Variants in PUM2 observed in about 807,000 individuals in gnomAD.
PUM2 encodes pumilio homolog 2.
In PUM2, 57 loss-of-function variants were observed where a neutral mutation model predicts 124.5. The ratio of observed to expected loss-of-function variants is 0.46; its 90% confidence interval spans 0.37 to 0.57. The LOEUF (loss-of-function observed/expected upper bound fraction) is 0.57, where lower values mean the gene tolerates loss of function less well. Among genes scored for constraint, PUM2 ranks in the 20% least tolerant of loss-of-function variants. The pLI, the probability that PUM2 is intolerant of heterozygous loss-of-function variation, is 0.00. For missense variants in PUM2, 1,065 were observed against 1,290.6 expected, an observed-to-expected ratio of 0.83 and a Z score of 2.68; for synonymous variants, 460 against 446.1, an observed-to-expected ratio of 1.03 and a Z score of -0.39.
At chr2:20,326,253 T>G (rs1558652012) in intron 2 of PUM2, 6 of 1,302,746 alleles carry the variant, frequency 4.6e-6, no homozygotes, top group Non-Finnish European at 6.1e-6. Flanking sequence ...TTAAGCACCT[T>G]AACTCACCCT....
At chr2:20,282,669 C>A (rs1671807076) in intron 12 of PUM2, among the ~76,000 whole-genome samples, 1 of 151,980 alleles carries the variant, frequency 6.6e-6, no homozygotes, top group Non-Finnish European at 1.5e-5. Flanking sequence ...CCCAAATAAA[C>A]CCTACTAAAA....
chr2:20,313,051 A>G (rs1345679531), intron 3 of PUM2, among the ~76,000 whole-genome samples: 1 of 152,232 alleles, frequency 6.6e-6, no homozygotes, highest in East Asian at 1.9e-4. Flanking sequence ...TATACCTTAT[A>G]CAAAAATTAA....
intron 20 of PUM2, 112 bp from the exon 21 acceptor site, chr2:20,251,828 T>A (rs1663427181): frequency 7.6e-7 from 1 of 1,308,118 alleles, no homozygotes; most frequent in Non-Finnish European, 1.0e-6. Context: ...TTAAAAAAAA[T>A]TTAAATCCAA....
rs1482832532 is a variant in PUM2, at chr2:20,318,795, T to C, written c.52-150A>G. On this transcript the variant is annotated intron_variant, in intron 2 of 20. Transcript: ENST00000361078. ...CCTATTTTCTAAGCTGTTTTGTTAATAGTAAATTAACTCCCCATTTATTTT... is the reference window on the plus strand; with the variant it reads ...CCTATTTTCTAAGCTGTTTTGTTAACAGTAAATTAACTCCCCATTTATTTT... 7.6e-6 allele frequency: 4 copies of C among 526,788 alleles called. No homozygotes were observed. The South Asian group carries it at 1.1e-4, about 15-fold the overall frequency. 32.6% of individuals were successfully genotyped at this position (526,788 alleles called of 1,614,324 possible). A position where few individuals can be genotyped will look rare whatever the true frequency, so the allele number is the denominator to read the frequency against.
chr2:20,256,420 G>C (rs1664773055), intron 16 of PUM2, among the ~76,000 whole-genome samples: 5 of 152,114 alleles, frequency 3.3e-5, no homozygotes, highest in Admixed American at 3.3e-4. Context: ...ACACACTGCA[G>C]GATTATAATG....
intron 1 of PUM2, among the ~76,000 whole-genome samples, chr2:20,344,922 G>A: frequency 7.0e-6 from 1 of 142,348 alleles, no homozygotes; most frequent in Non-Finnish European, 1.5e-5. Flanking sequence ...GGCGGAGCTT[G>A]CAGTGAGTTG....
rs138406280 is a variant in PUM2 at position 20,300,602 on chromosome 2, G to A, written c.884-2924C>T. Among the ~76,000 whole-genome samples, 566 of 152,152 alleles carry A rather than the reference G, an allele frequency of 3.7e-3. 6 individuals carry two copies. The highest frequency in any genetic ancestry group is 0.013 in the African/African-American group (547 of 41,490). Reference sequence around the variant, plus strand: ...AAATCCTTTCATTTTAAAGCCATTCGTTGAGTCCTGTTTTTAGCTATGCCC... The same window carrying A: ...AAATCCTTTCATTTTAAAGCCATTCATTGAGTCCTGTTTTTAGCTATGCCC... On this transcript the variant is annotated intron_variant, in intron 7 of 20. Coordinates refer to ENST00000361078, the MANE Select transcript of PUM2 (RefSeq NM_015317.5).
rs1450493356 is a variant in PUM2 at position 20,250,918 on chromosome 2, C to T, written c.*667G>A. On this transcript the variant is annotated 3_prime_UTR_variant, in exon 21 of 21. Coordinates refer to ENST00000361078, the MANE Select transcript of PUM2 (RefSeq NM_015317.5). Reference sequence around the variant, plus strand: ...TATATACAATATTTCTGTACATTGCCAGAGACATTTTAGGGCAGTAATTGT... The same window carrying T: ...TATATACAATATTTCTGTACATTGCTAGAGACATTTTAGGGCAGTAATTGT... 6.6e-6 allele frequency: 1 copy of T among 152,526 alleles called. No individual in the cohort carries two copies. The highest frequency in any genetic ancestry group is 1.5e-5 in the Non-Finnish European group (1 of 67,994). The allele number at this position is 152,526 out of a possible 1,614,324, so 9.4% of individuals were successfully genotyped here. A position where few individuals can be genotyped will look rare whatever the true frequency, so the allele number is the denominator to read the frequency against.
At chr2:20,285,471 C>T (rs1281646750) in intron 10 of PUM2, among the ~76,000 whole-genome samples, 2 of 152,180 alleles carry the variant, frequency 1.3e-5, no homozygotes, top group African/African-American at 4.8e-5. Flanking sequence ...CTAGTTTTAC[C>T]TGGTACTCAT....
At chr2:20,306,822 G>T (rs1199950232) in intron 7 of PUM2, among the ~76,000 whole-genome samples, 1 of 151,674 alleles carries the variant, frequency 6.6e-6, no homozygotes, top group African/African-American at 2.4e-5. Flanking sequence ...GGCCAGGATG[G>T]TCTCAAACTC....
intron 10 of PUM2, among the ~76,000 whole-genome samples, chr2:20,289,925 T>C (rs1673612888): frequency 6.6e-6 from 1 of 152,224 alleles, no homozygotes; most frequent in South Asian, 2.1e-4. Context: ...AAAAGCATAC[T>C]TAAATCTCCA....
chr2:20,294,667 T>C, intron 8 of PUM2, 149 bp from the exon 9 acceptor site: 2 of 928,042 alleles, frequency 2.2e-6, no homozygotes, highest in East Asian at 2.8e-5. Context: ...TATTGATGGG[T>C]GACAGCAATG....
At chr2:20,316,553 A>G (rs184047324) in intron 3 of PUM2, among the ~76,000 whole-genome samples, 3 of 152,306 alleles carry the variant, frequency 2.0e-5, no homozygotes, top group Non-Finnish European at 4.4e-5. Flanking sequence ...TACGCCTCTC[A>G]GATTTTACTA....
intron 13 of PUM2, among the ~76,000 whole-genome samples, chr2:20,268,340 G>A (rs1012009844): frequency 1.6e-4 from 24 of 152,154 alleles, no homozygotes; most frequent in Non-Finnish European, 2.4e-4. Context: ...TGCCCCATGC[G>A]GTGGCTCAGG....
At chr2:20,345,938 G>A (rs896013183) in intron 1 of PUM2, among the ~76,000 whole-genome samples, 7 of 152,168 alleles carry the variant, frequency 4.6e-5, no homozygotes. Flanking sequence ...GACTACAAAT[G>A]GACTGAATGT....
intron 13 of PUM2, among the ~76,000 whole-genome samples, chr2:20,276,980 G>T (rs1261414180): frequency 2.0e-5 from 3 of 152,014 alleles, no homozygotes; most frequent in African/African-American, 7.2e-5. Flanking sequence ...ACAACCTAAA[G>T]AAAGGTAGAG....
chr2:20,310,216 C>T (rs979242711), intron 5 of PUM2, among the ~76,000 whole-genome samples: 1 of 151,996 alleles, frequency 6.6e-6, no homozygotes, highest in African/African-American at 2.4e-5. Flanking sequence ...GTAACTAATA[C>T]TGTATCTAAA....
chr2:20,263,379 G>C lies in PUM2; in HGVS notation c.2039C>G (p.Ser680Cys). 1.9e-6 allele frequency: 3 copies of C among 1,614,074 alleles called. No homozygotes were observed. The highest frequency in any genetic ancestry group is 2.5e-6 in the Non-Finnish European group (3 of 1,179,906). The part of the protein sequence containing the change: ...EAKYRSASST[S>C]SLFSSSSQLF... ...CTGGCTGCTGGAGCTAAATAGACTG[G>C]AAGTGCTTGAAGCACTTCGATATTT... Residue 680 changes from serine (S) to cysteine (C), a missense_variant, in exon 14 of 21, where the codon TCC becomes TGC. Physicochemically the swap from Ser to Cys is moderately radical, Grantham distance 112 (BLOSUM62 -1). Transcript: ENST00000361078.
chr2:20,304,954 TTC>T (rs1677868179), intron 7 of PUM2, among the ~76,000 whole-genome samples: 1 of 152,206 alleles, frequency 6.6e-6, no homozygotes, highest in Non-Finnish European at 1.5e-5. Flanking sequence ...ACTAGTCCTT[TTC>T]TAAATGAGCT....
Sources: allele counts gnomAD v4.1 joint callset (sites outside exome capture counted in the v4.1 genomes callset), GRCh38; gene constraint gnomAD v4.1.1; transcripts MANE v1.5; gene names NCBI Gene and HGNC (gene_info 2026-07-23, HGNC 2026-07-21).